The following SEC24D variants were observed in gnomAD, a reference collection of about 807,000 sequenced individuals.
The protein encoded by SEC24D is protein transport protein Sec24D.
In SEC24D, 69 loss-of-function variants were observed where a neutral mutation model predicts 116.9. The observed-to-expected ratio is 0.59, with a 90% CI of 0.49 to 0.72. SEC24D has a LOEUF of 0.72. Among genes scored for constraint, SEC24D ranks in the 30% least tolerant of loss-of-function variants. The probability of loss-of-function intolerance (pLI) is 0.00; values close to 1 mark genes in which losing one functional copy is unlikely to be tolerated. For synonymous variants in SEC24D, 405 were observed against 442.8 expected (o/e 0.91, Z 1.07); for missense variants, 1,131 against 1,264.1 (o/e 0.89, Z 1.60).
At chr4:118,824,055 G>GA (rs1264394825) in intron 3 of SEC24D, among the ~76,000 whole-genome samples, 1 of 152,164 alleles carries the variant, frequency 6.6e-6, no homozygotes, top group African/African-American at 2.4e-5. Context: ...AAAATAAACT[G>GA]AATATAACTC....
Position 118,739,143 on chromosome 4 carries a change from T to G in SEC24D, c.2377+6A>C. On this transcript the variant is annotated splice_donor_region_variant and intron_variant, in intron 18 of 22. Transcript: ENST00000280551. ...TTACTGAACCTCAGGATTGGCAAAGTGTTACCTGACTTGGCAAAGAAGTTG... is the reference window on the plus strand; with the variant it reads ...TTACTGAACCTCAGGATTGGCAAAGGGTTACCTGACTTGGCAAAGAAGTTG... 6.2e-7 allele frequency: 1 copy of G among 1,613,244 alleles called. No individual in the cohort carries two copies. The highest frequency in any genetic ancestry group is 1.1e-5 in the South Asian group (1 of 91,032).
At chr4:118,751,902 G>T in intron 13 of SEC24D, 94 bp downstream of exon 13, 1 of 887,054 alleles carries the variant, frequency 1.1e-6, no homozygotes, top group South Asian at 1.5e-5. Flanking sequence ...TTTTAATGAA[G>T]ACTGTCTTTT....
At chr4:118,813,719 C>T (rs1310863719) in intron 6 of SEC24D, among the ~76,000 whole-genome samples, 1 of 152,250 alleles carries the variant, frequency 6.6e-6, no homozygotes, top group Non-Finnish European at 1.5e-5. Context: ...AATGTTCAAA[C>T]CACAGCACTT....
At chr4:118,744,278 G>C (rs187206588) in intron 14 of SEC24D, 120 bp from the exon 15 acceptor site, 23 of 1,040,946 alleles carry the variant, frequency 2.2e-5, no homozygotes, top group Non-Finnish European at 3.1e-5. Flanking sequence ...ACATTTTCCC[G>C]TTAAGTGAAC....
chr4:118,796,021 T>A (rs557744473), intron 8 of SEC24D, among the ~76,000 whole-genome samples: 1 of 152,346 alleles, frequency 6.6e-6, no homozygotes, highest in Non-Finnish European at 1.5e-5. Flanking sequence ...AGTGTCTAAA[T>A]GTCTGCAATT....
intron 3 of SEC24D, among the ~76,000 whole-genome samples, chr4:118,819,995 A>G (rs1404233378): frequency 6.6e-6 from 1 of 152,140 alleles, no homozygotes; most frequent in African/African-American, 2.4e-5. Flanking sequence ...TCACAAATAA[A>G]TTATTTCTTT....
At position 118,823,284 on chromosome 4, in the gene SEC24D, C is replaced by T. The variant is rs139328972; in HGVS notation, c.248+1336G>A. On this transcript the variant is annotated intron_variant, in intron 3 of 22. Coordinates refer to ENST00000280551, the MANE Select transcript of SEC24D (RefSeq NM_014822.4). ...TGCATCCCATAGCTACCATTTCAACCGGCAAATGTCATGTTATCATGACAA... is the reference window on the plus strand; with the variant it reads ...TGCATCCCATAGCTACCATTTCAACTGGCAAATGTCATGTTATCATGACAA... 1.4e-4 allele frequency among the ~76,000 whole-genome samples: 21 copies of T among 152,286 alleles called. No homozygotes were observed. The East Asian group carries it at 4.1e-3, about 29-fold the overall frequency.
At position 118,805,836 on chromosome 4, in the gene SEC24D, CA is replaced by C. The variant is rs755813076; in HGVS notation, c.913+6del. 1 of 1,496,128 alleles carries C rather than the reference CA, an allele frequency of 6.7e-7. No homozygotes were observed. The highest frequency in any genetic ancestry group is 8.9e-7 in the Non-Finnish European group (1 of 1,119,474). 92.7% of individuals were successfully genotyped at this position (1,496,128 alleles called of 1,614,324 possible). On this transcript the variant is annotated splice_donor_region_variant and intron_variant, in intron 7 of 22. Coordinates refer to ENST00000280551, the MANE Select transcript of SEC24D (RefSeq NM_014822.4). ...CCTTAATAAATGGCATAATTAAAAA[CA>C]AATACCTTGGTCTTGTATCATGCAA...
intron 10 of SEC24D, among the ~76,000 whole-genome samples, chr4:118,762,338 G>A (rs1015308115): frequency 1.3e-5 from 2 of 152,090 alleles, no homozygotes; most frequent in Admixed American, 6.6e-5. Context: ...GTCTGGCTCT[G>A]TTACTTTCTG....
At chr4:118,764,754 T>G (rs1482032029) in intron 10 of SEC24D, 48 bp downstream of exon 10, 8 of 1,054,716 alleles carry the variant, frequency 7.6e-6, no homozygotes, top group Non-Finnish European at 1.2e-5. Context: ...GTTATTCACT[T>G]GAATTTAACA....
intron 6 of SEC24D, among the ~76,000 whole-genome samples, chr4:118,814,226 C>A (rs1730039992): frequency 6.6e-6 from 1 of 152,172 alleles, no homozygotes; most frequent in Non-Finnish European, 1.5e-5. Flanking sequence ...TTGCTTCAGC[C>A]AAGGGCACAT....
chr4:118,770,870 G>GT (rs1727869765), intron 8 of SEC24D, among the ~76,000 whole-genome samples: 1 of 152,148 alleles, frequency 6.6e-6, no homozygotes, highest in East Asian at 1.9e-4. Context: ...TACACTTACA[G>GT]TTTTTTCAAT....
At position 118,805,899 on chromosome 4, in the gene SEC24D, T is replaced by C; in HGVS notation, c.857A>G (p.Asn286Ser). 1 of 1,598,178 alleles carries C rather than the reference T, an allele frequency of 6.3e-7. No individual in the cohort carries two copies. Among genetic ancestry groups the C allele is most frequent in the Middle Eastern group, 1.7e-4 (1 of 6,032 alleles). The change falls in exon 7 of 23, where the codon AAC becomes AGC. Residue 286 changes from asparagine to serine, a missense_variant. Physicochemically the swap from Asn to Ser is conservative, Grantham distance 46 (BLOSUM62 1). Coordinates refer to ENST00000280551, the MANE Select transcript of SEC24D (RefSeq NM_014822.4). ...ASRGGQVYAT[N>S]TRGQIPPLVT... The stretch of plus-strand genomic sequence containing the variant: ...CAGGGGAGGGATCTGGCCTCTGGTG[T>C]TGGTGGCATAAACTTGTCCTCCTCT...
chr4:118,756,923 CT>C (rs1195569433), intron 11 of SEC24D, among the ~76,000 whole-genome samples: 2 of 152,106 alleles, frequency 1.3e-5, no homozygotes, highest in African/African-American at 4.8e-5. Context: ...CTCTTAAAAG[CT>C]TTTATTCAAG....
chr4:118,823,359 C>T (rs1018972561), intron 3 of SEC24D, among the ~76,000 whole-genome samples: 3 of 152,170 alleles, frequency 2.0e-5, no homozygotes, highest in Admixed American at 6.5e-5. Context: ...GGAGAATTAA[C>T]CTGATGACTT....
At chr4:118,808,192 C>T (rs1729756330) in intron 6 of SEC24D, among the ~76,000 whole-genome samples, 1 of 152,136 alleles carries the variant, frequency 6.6e-6, no homozygotes, top group African/African-American at 2.4e-5. Flanking sequence ...AATTCTTGGG[C>T]TCAAGCTTTC....
intron 8 of SEC24D, among the ~76,000 whole-genome samples, chr4:118,782,770 C>G (rs915693841): frequency 1.3e-5 from 2 of 152,192 alleles, no homozygotes; most frequent in African/African-American, 2.4e-5. Flanking sequence ...TTTGAGCTTC[C>G]CTGGCTGGTT....
At chr4:118,815,241 A>G (rs1730090190) in intron 5 of SEC24D, 86 bp from the exon 6 acceptor site, 1 of 1,497,494 alleles carries the variant, frequency 6.7e-7, no homozygotes, top group African/African-American at 1.4e-5. Flanking sequence ...TGTTCAGTCA[A>G]GCATGTTGTA....
At chr4:118,754,156 C>T (rs1726965961) in intron 11 of SEC24D, 1 of 152,138 alleles carries the variant, frequency 6.6e-6, no homozygotes, top group Non-Finnish European at 1.5e-5. Context: ...TAAATAGATT[C>T]TCATAATCCC....
Sources: allele counts gnomAD v4.1 joint callset (sites outside exome capture counted in the v4.1 genomes callset), GRCh38; gene constraint gnomAD v4.1.1; transcripts MANE v1.5; gene names NCBI Gene and HGNC (gene_info 2026-07-23, HGNC 2026-07-21).